Variants in NTN1 observed in about 807,000 individuals in gnomAD.
The protein encoded by NTN1 is netrin-1.
A neutral mutation model predicts 54.2 loss-of-function variants in NTN1; 11 were observed. The observed-to-expected ratio is 0.20, with a 90% CI of 0.13 to 0.34. The LOEUF (loss-of-function observed/expected upper bound fraction) is 0.34. Ranked by LOEUF, NTN1 falls within the 10% of genes least tolerant of loss-of-function variation. The pLI is 1.00. For synonymous variants in NTN1, 371 were observed against 382.0 expected, an observed-to-expected ratio of 0.97 and a Z score of 0.33; for missense variants, 740 against 893.1, an observed-to-expected ratio of 0.83 and a Z score of 2.18.
intron 2 of NTN1, among the ~76,000 whole-genome samples, chr17:9,127,566 C>A (rs1366727131): frequency 6.6e-6 from 1 of 151,966 alleles, no homozygotes; most frequent in Non-Finnish European, 1.5e-5. Flanking sequence ...AGAGGCCAGG[C>A]TTTGCTGCTG....
chr17:9,007,124 CTCTT>C, the NTN1 span, among the ~76,000 whole-genome samples: 27 of 152,214 alleles, frequency 1.8e-4, 1 homozygote, highest in African/African-American at 3.6e-4. Context: ...TTTTTTCTCT[CTCTT>C]TCTTTCTTTC....
intron 2 of NTN1, among the ~76,000 whole-genome samples, chr17:9,057,878 C>A (rs2091984178): frequency 6.6e-6 from 1 of 152,068 alleles, no homozygotes; most frequent in Admixed American, 6.6e-5. Flanking sequence ...AATGTTTCTC[C>A]CATCATCTAT....
intron 6 of NTN1, among the ~76,000 whole-genome samples, chr17:9,226,904 C>G (rs1316905512): frequency 6.6e-6 from 1 of 152,098 alleles, no homozygotes; most frequent in South Asian, 2.1e-4. Flanking sequence ...CACCTGAAAC[C>G]ACAGCCCCGG....
At chr17:9,199,668 A>T (rs771932601) in intron 5 of NTN1, among the ~76,000 whole-genome samples, 12 of 152,228 alleles carry the variant, frequency 7.9e-5, no homozygotes, top group Non-Finnish European at 1.3e-4. Context: ...TCACTTGTAC[A>T]TGTGTCCCAT....
intron 2 of NTN1, among the ~76,000 whole-genome samples, chr17:9,038,265 CCA>C (rs1555563183): frequency 6.9e-6 from 1 of 144,062 alleles, no homozygotes; most frequent in Non-Finnish European, 1.5e-5. Context: ...TTCTCTCTCT[CCA>C]CACACACACA....
At chr17:9,220,928 G>T (rs557979202) in intron 5 of NTN1, among the ~76,000 whole-genome samples, 11 of 147,322 alleles carry the variant, frequency 7.5e-5, no homozygotes, top group Admixed American at 6.1e-4. Flanking sequence ...GGTTGCAGGC[G>T]GTGGCTGAGG....
chr17:9,179,633 G>C (rs1274278599), intron 3 of NTN1, among the ~76,000 whole-genome samples, 174 bp from the exon 4 acceptor site: 1 of 152,176 alleles, frequency 6.6e-6, no homozygotes, highest in Non-Finnish European at 1.5e-5. Flanking sequence ...CAGGTAGGTG[G>C]GTGGCCAGTG....
At chr17:9,227,172 GGCACACATACCACACACGCAT>G (rs1310276973) in intron 6 of NTN1, among the ~76,000 whole-genome samples, 27 of 152,052 alleles carry the variant, frequency 1.8e-4, no homozygotes, top group Admixed American at 9.8e-4. Context: ...ACCACTCACA[GGCACACATACCACACACGCAT>G]GCACACATAC....
At chr17:9,101,248 G>A (rs1268398788) in intron 2 of NTN1, among the ~76,000 whole-genome samples, 3 of 152,094 alleles carry the variant, frequency 2.0e-5, no homozygotes, top group Admixed American at 6.5e-5. Flanking sequence ...AACATTTGCT[G>A]GATTGAATTA....
intron 2 of NTN1, among the ~76,000 whole-genome samples, chr17:9,082,111 G>A (rs2142225065): frequency 6.6e-6 from 1 of 152,308 alleles, no homozygotes; most frequent in East Asian, 1.9e-4. Context: ...CCAGGCTGGA[G>A]TACAGTGGTG....
At chr17:9,155,666 AGAGTTT>A (rs1447150095) in intron 2 of NTN1, among the ~76,000 whole-genome samples, 2 of 152,240 alleles carry the variant, frequency 1.3e-5, no homozygotes, top group Non-Finnish European at 2.9e-5. Context: ...TCTAAGCCTC[AGAGTTT>A]GCACTTAGAG....
At chr17:9,178,369 C>T (rs1267098013) in intron 3 of NTN1, among the ~76,000 whole-genome samples, 1 of 152,236 alleles carries the variant, frequency 6.6e-6, no homozygotes, top group Non-Finnish European at 1.5e-5. Flanking sequence ...GGGACCCTCA[C>T]TCTGAGTGAT....
At chr17:9,168,723 C>G (rs929213597) in intron 3 of NTN1, among the ~76,000 whole-genome samples, 1 of 152,206 alleles carries the variant, frequency 6.6e-6, no homozygotes, top group African/African-American at 2.4e-5. Flanking sequence ...CCCCACCCTT[C>G]TTGGTCTTCC....
At chr17:9,236,979 AAG>A (rs1906012929) in intron 6 of NTN1, among the ~76,000 whole-genome samples, 1 of 152,158 alleles carries the variant, frequency 6.6e-6, no homozygotes, top group Admixed American at 6.5e-5. Context: ...CAGGAAGTCT[AAG>A]GCTAGGCCTT....
intron 2 of NTN1, among the ~76,000 whole-genome samples, chr17:9,041,258 C>T (rs1006249986): frequency 6.6e-6 from 1 of 151,988 alleles, no homozygotes; most frequent in African/African-American, 2.4e-5. Flanking sequence ...TTAGTATGTT[C>T]GTCGATTGGT....
rs558947273 is a variant in NTN1 at position 9,047,225 on chromosome 17, C to A, written c.1018+23834C>A. On this transcript the variant is annotated intron_variant, in intron 2 of 6. Coordinates refer to ENST00000173229, the MANE Select transcript of NTN1 (RefSeq NM_004822.3). Reference sequence around the variant, plus strand: ...GTGGTAATTTCTTAAAGTAAGACAGCAGTGCAGTTTGCCACATCAACTCAC... The same window carrying A: ...GTGGTAATTTCTTAAAGTAAGACAGAAGTGCAGTTTGCCACATCAACTCAC... Among the ~76,000 whole-genome samples the A allele has an allele frequency of 2.6e-4, 39 of 152,320 alleles. 5 individuals carry two copies. Among genetic ancestry groups the A allele is most frequent in the African/African-American group, 9.1e-4 (38 of 41,574 alleles).
intron 2 of NTN1, among the ~76,000 whole-genome samples, chr17:9,155,434 C>T (rs1180000794): frequency 1.3e-5 from 2 of 151,760 alleles, no homozygotes; most frequent in Admixed American, 6.6e-5. Flanking sequence ...CTTTGCCTCC[C>T]GGGTTCAAGC....
rs1905280514 is a variant in NTN1, at chr17:9,219,334, T to C, written c.1412-1834T>C. ...ATCCCTACTCTAGTAACCAAGCTGC[T>C]ATCCAGATGGCAGGAGGGATGGGGA... On this transcript the variant is annotated intron_variant, in intron 5 of 6. Transcript: ENST00000173229. This position sits in a 1 kb window ranked among gnomAD's most constrained non-coding sequence, Gnocchi z 4.5. Among the ~76,000 whole-genome samples the C allele has an allele frequency of 6.6e-6, 1 of 152,156 alleles. No homozygotes were observed. Among genetic ancestry groups the C allele is most frequent in the Admixed American group, 6.5e-5 (1 of 15,278 alleles).
At chr17:9,236,595 C>T (rs1413602247) in intron 6 of NTN1, among the ~76,000 whole-genome samples, 2 of 152,168 alleles carry the variant, frequency 1.3e-5, no homozygotes, top group South Asian at 2.1e-4. Flanking sequence ...ACTACCTGTC[C>T]CTGCCCCTGC....
Sources: allele counts gnomAD v4.1 joint callset (sites outside exome capture counted in the v4.1 genomes callset), GRCh38; gene constraint gnomAD v4.1.1; non-coding constraint Gnocchi (gnomAD v3.1); transcripts MANE v1.5; gene names NCBI Gene and HGNC (gene_info 2026-07-23, HGNC 2026-07-21).